MGAT5B: variants seen among roughly 807,000 people sequenced by gnomAD.
MGAT5B encodes the protein N-acetylglucosaminyl-transferase Vb.
A neutral mutation model predicts 95.1 loss-of-function variants in MGAT5B; 54 were observed. That is an observed-to-expected ratio of 0.57 (90% confidence interval 0.46 to 0.71). The LOEUF is 0.71. MGAT5B is among the 30% of genes least tolerant of loss of function. MGAT5B has a pLI of 0.00. For synonymous variants in MGAT5B, 464 were observed against 451.0 expected (o/e 1.03, Z -0.36); for missense variants, 935 against 1,088.6 (o/e 0.86, Z 1.99).
In MGAT5B at chr17:76,914,082, C is replaced by T. The variant is rs2145212657; in HGVS notation, c.1025+7895C>T. The stretch of plus-strand genomic sequence containing the variant: ...TGCTACTGCACTCTAGCTTGGGTGA[C>T]AAAGCAAGACTGTCTCAAAAAAAAA... On this transcript the variant is annotated intron_variant, in intron 8 of 17. Transcript: ENST00000569840. This position sits in a 1 kb window ranked among gnomAD's most constrained non-coding sequence, Gnocchi z 5.1. 2 of 127,870 alleles carry T rather than the reference C, an allele frequency of 1.6e-5. No homozygotes were observed. Among genetic ancestry groups the T allele is most frequent in the Admixed American group, 1.6e-4 (2 of 12,548 alleles). The allele number at this position is 127,870 out of a possible 1,614,324, so 7.9% of individuals were successfully genotyped here.
intron 3 of MGAT5B, 72 bp from the exon 4 acceptor site, chr17:76,902,482 CT>C: frequency 2.6e-6 from 3 of 1,158,280 alleles, no homozygotes; most frequent in Non-Finnish European, 3.7e-6. Context: ...GCCTGTGGGC[CT>C]TACTGGCAGG....
rs35904696 is a variant in MGAT5B, at chr17:76,916,933, G to A, written c.1026-8033G>A. On this transcript the variant is annotated intron_variant, in intron 8 of 17. Transcript: ENST00000569840. The surrounding 1 kb of genome is among the most constrained non-coding windows in gnomAD (Gnocchi z 5.3). ...CAAACTCAGGGGTTCCCGCCTCTTA[G>A]AAACTGGGGCCAGGGCTGGTCTGGG... Among the ~76,000 whole-genome samples the A allele has an allele frequency of 1.3e-5, 2 of 152,198 alleles. No homozygotes were observed. The highest frequency in any genetic ancestry group is 4.8e-5 in the African/African-American group (2 of 41,452).
Position 76,885,564 on chromosome 17 carries a change from C to T in MGAT5B, c.329+3266C>T, listed in dbSNP as rs541759579. 2.1e-4 allele frequency among the ~76,000 whole-genome samples: 32 copies of T among 152,280 alleles called. 1 individual carries two copies. In the East Asian group the frequency reaches 6.0e-3, roughly 29 times the overall value. ...GCCTGTGCCTCCCTCCCCTGCCCTG[C>T]CCTTTGTCTCCTCCTGGGGAAGGAG... On this transcript the variant is annotated intron_variant, in intron 3 of 17. Coordinates refer to ENST00000569840, the MANE Select transcript of MGAT5B (RefSeq NM_001199172.2).
chr17:76,903,854 G>T (rs1282608029), intron 5 of MGAT5B, among the ~76,000 whole-genome samples: 1 of 152,212 alleles, frequency 6.6e-6, no homozygotes, highest in African/African-American at 2.4e-5. Flanking sequence ...ACTGCAGGTG[G>T]ATCCCGCCCT....
At chr17:76,928,158 A>C (rs1375901475) in intron 10 of MGAT5B, among the ~76,000 whole-genome samples, 7 of 152,240 alleles carry the variant, frequency 4.6e-5, no homozygotes, top group African/African-American at 1.7e-4. Flanking sequence ...AGAGAGGTAG[A>C]GCATGCAGCC....
rs371688537 is a variant in MGAT5B, at chr17:76,940,704, G to C, written c.1732-28G>C. The C allele has an allele frequency of 1.9e-5, 31 of 1,609,660 alleles. No homozygotes were observed. Among genetic ancestry groups the C allele is most frequent in the Non-Finnish European group, 2.5e-5 (29 of 1,176,480 alleles). ...CCTGTCCCACTGGCAGGCACGGGGG[G>C]CATCTGCAATCTCTGTACCCTTGCC... On this transcript the variant is annotated intron_variant, in intron 14 of 17. Coordinates refer to ENST00000569840, the MANE Select transcript of MGAT5B (RefSeq NM_001199172.2). The surrounding 1 kb of genome is among the most constrained non-coding windows in gnomAD (Gnocchi z 4.3).
In MGAT5B at chr17:76,940,979, C is replaced by T. The variant is rs565220429; in HGVS notation, c.1848+131C>T. The T allele has an allele frequency of 4.4e-4, 304 of 686,858 alleles. 2 individuals carry two copies. Among genetic ancestry groups the T allele is most frequent in the Admixed American group, 1.6e-3 (67 of 41,554 alleles). 42.5% of individuals were successfully genotyped at this position (686,858 alleles called of 1,614,324 possible). On this transcript the variant is annotated intron_variant, in intron 15 of 17. Transcript: ENST00000569840. The surrounding 1 kb of genome is among the most constrained non-coding windows in gnomAD (Gnocchi z 4.3). ...CCTGGGTTGGCAAAGGTGTCCATCC[C>T]TCCCCTGGTCAGACACAGCCCTGAG...
chr17:76,883,009 A>G (rs1267144963), intron 3 of MGAT5B, among the ~76,000 whole-genome samples: 4 of 151,258 alleles, frequency 2.6e-5, no homozygotes, highest in Non-Finnish European at 1.5e-5. Context: ...TTAAATTAAA[A>G]AAAAAATTTT....
At chr17:76,885,644 A>G (rs1967602162) in intron 3 of MGAT5B, among the ~76,000 whole-genome samples, 1 of 152,188 alleles carries the variant, frequency 6.6e-6, no homozygotes, top group African/African-American at 2.4e-5. Flanking sequence ...CTCCTGGGAA[A>G]TAGCAACCAT....
intron 4 of MGAT5B, among the ~76,000 whole-genome samples, chr17:76,903,077 G>T (rs1320276927): frequency 6.6e-6 from 1 of 152,194 alleles, no homozygotes; most frequent in Admixed American, 6.5e-5. Flanking sequence ...CCAGGCAGCT[G>T]CTGAGTGGCT....
Position 76,905,283 on chromosome 17 carries a change from G to C in MGAT5B, c.805G>C (p.Ala269Pro), listed in dbSNP as rs1968479840. The C allele has an allele frequency of 6.2e-7, 1 of 1,609,796 alleles. No homozygotes were observed. The highest frequency in any genetic ancestry group is 8.5e-7 in the Non-Finnish European group (1 of 1,177,224). The change falls in exon 7 of 18, where the codon GCC becomes CCC. Residue 269 changes from alanine to proline, a missense_variant. By Grantham distance (27) the Ala-to-Pro change is conservative. Transcript: ENST00000569840. The surrounding 1 kb of genome is among the most constrained non-coding windows in gnomAD (Gnocchi z 4.2). ...KRLTAQWALAAQRLAQKLGAT... is the reference protein window; with the variant it reads ...KRLTAQWALAPQRLAQKLGAT... The stretch of plus-strand genomic sequence containing the variant: ...GCTCACAGCCCAGTGGGCGCTGGCT[G>C]CCCAGCGCCTGGCACAGAAGCTGGG...
chr17:76,878,794 A>C (rs1967294832), intron 2 of MGAT5B, among the ~76,000 whole-genome samples: 1 of 152,146 alleles, frequency 6.6e-6, no homozygotes, highest in Non-Finnish European at 1.5e-5. Flanking sequence ...TTTTTATAGG[A>C]GCGTTTCTTT....
Position 76,932,713 on chromosome 17 carries a change from A to T in MGAT5B, c.1360A>T (p.Ile454Phe), listed in dbSNP as rs1969531845. 3 of 1,614,052 alleles carry T rather than the reference A, an allele frequency of 1.9e-6. No homozygotes were observed. The highest frequency in any genetic ancestry group is 2.5e-6 in the Non-Finnish European group (3 of 1,179,958). The stretch of plus-strand genomic sequence containing the variant: ...GCTCAACGAGACGGAGAAGCGGCTC[A>T]TCAAAGGCGGCAAGGCCAGCAACAT... ...EELNETEKRLIKGGKASNMAV... is the reference protein window; with the variant it reads ...EELNETEKRLFKGGKASNMAV... Residue 454 changes from isoleucine to phenylalanine, a missense_variant, in exon 11 of 18, where the codon ATC (isoleucine) becomes TTC (phenylalanine). Physicochemically the swap from Ile to Phe is conservative, Grantham distance 21. Coordinates refer to ENST00000569840, the MANE Select transcript of MGAT5B (RefSeq NM_001199172.2).
chr17:76,910,530 A>C (rs1216537151), intron 8 of MGAT5B, among the ~76,000 whole-genome samples: 1 of 152,074 alleles, frequency 6.6e-6, no homozygotes, highest in Admixed American at 6.5e-5. Flanking sequence ...ATGCACACCC[A>C]CTCACACACT....
intron 3 of MGAT5B, among the ~76,000 whole-genome samples, chr17:76,901,932 C>T (rs920605896): frequency 1.3e-5 from 2 of 152,290 alleles, no homozygotes; most frequent in African/African-American, 2.4e-5. Context: ...CAGTAATGCA[C>T]GGACATGCCT....
chr17:76,895,592 A>G (rs529348243), intron 3 of MGAT5B, among the ~76,000 whole-genome samples: 17 of 152,162 alleles, frequency 1.1e-4, no homozygotes, highest in Admixed American at 3.3e-4. Context: ...GACTGATGGG[A>G]GCACAATTTG....
rs1966979668 is a variant in MGAT5B at position 76,870,666 on chromosome 17, C to T, written c.68+1569C>T. On this transcript the variant is annotated intron_variant, in intron 1 of 17. Coordinates refer to ENST00000569840, the MANE Select transcript of MGAT5B (RefSeq NM_001199172.2). The surrounding 1 kb of genome is among the most constrained non-coding windows in gnomAD (Gnocchi z 5.0). Reference sequence around the variant, plus strand: ...ATTGGGGGTGGAGGTGCATGGGTCCCCAAAGTTGTGTAACTTCACCCCAGG... The same window carrying T: ...ATTGGGGGTGGAGGTGCATGGGTCCTCAAAGTTGTGTAACTTCACCCCAGG... 6.6e-6 allele frequency among the ~76,000 whole-genome samples: 1 copy of T among 151,992 alleles called. No homozygotes were observed. The highest frequency in any genetic ancestry group is 1.5e-5 in the Non-Finnish European group (1 of 67,924).
At chr17:76,895,926 A>G (rs916639462) in intron 3 of MGAT5B, among the ~76,000 whole-genome samples, 4 of 152,236 alleles carry the variant, frequency 2.6e-5, no homozygotes, top group Non-Finnish European at 5.9e-5. Flanking sequence ...AAGAAATTCA[A>G]ACATTTTCGA....
At chr17:76,882,319 G>A in intron 3 of MGAT5B, 21 bp downstream of exon 3, 1 of 1,589,070 alleles carries the variant, frequency 6.3e-7, no homozygotes, top group Non-Finnish European at 8.6e-7. Context: ...GTGGGGAGGA[G>A]GCACACGGAG....
Sources: gnomAD v4.1 joint callset for allele counts (sites outside exome capture counted in the v4.1 genomes callset) on GRCh38, gnomAD v4.1.1 for gene constraint, Gnocchi (gnomAD v3.1) non-coding constraint, MANE v1.5 for transcripts, NCBI Gene and HGNC (gene_info 2026-07-23, HGNC 2026-07-21) for gene names.